Variants in CACNA1S observed in about 807,000 individuals in gnomAD.
CACNA1S encodes the protein voltage-dependent L-type calcium channel subunit alpha-1S.
A neutral mutation model predicts 207.4 loss-of-function variants in CACNA1S; 126 were observed. That is an observed-to-expected ratio of 0.61 (90% CI 0.53 to 0.70). The LOEUF (loss-of-function observed/expected upper bound fraction) is 0.70, where lower values mean the gene tolerates loss of function less well. CACNA1S is among the 30% of genes least tolerant of loss of function. CACNA1S has a pLI of 0.00. For synonymous variants in CACNA1S, 960 were observed against 932.7 expected, an observed-to-expected ratio of 1.03 and a Z score of -0.53; for missense variants, 2,349 against 2,422.8, an observed-to-expected ratio of 0.97 and a Z score of 0.64.
intron 38 of CACNA1S, among the ~76,000 whole-genome samples, chr1:201,044,993 C>A (rs1295990143): frequency 6.6e-6 from 1 of 152,198 alleles, no homozygotes; most frequent in Admixed American, 6.5e-5. Context: ...CATCTCTTGA[C>A]CCCATGGGTG....
chr1:201,059,730 T>C (rs555801780), intron 26 of CACNA1S, among the ~76,000 whole-genome samples: 1 of 152,330 alleles, frequency 6.6e-6, no homozygotes, highest in South Asian at 2.1e-4. Flanking sequence ...GTCCATGTTA[T>C]CACTGGCTAC....
In CACNA1S at chr1:201,061,976, G is replaced by C; in HGVS notation, c.3021C>G (p.Leu1007=). The C allele has an allele frequency of 6.2e-7, 1 of 1,614,234 alleles. No homozygotes were observed. Among genetic ancestry groups the C allele is most frequent in the Non-Finnish European group, 8.5e-7 (1 of 1,180,042 alleles). The change falls in exon 24 of 44, where the codon CTC becomes CTG. Residue 1007 remains leucine (L), a synonymous_variant. Coordinates refer to ENST00000362061, the MANE Select transcript of CACNA1S (RefSeq NM_000069.3). The part of the protein sequence containing the change: ...FDNVLSAMMS[L]FTVSTFEGWP... ...ATCCCTCGAAGGTGGAGACCGTGAA[G>C]AGGGACATCATGGCTGAGAGCACAT...
In CACNA1S at chr1:201,067,013, A is replaced by T. The variant is rs747353973; in HGVS notation, c.2551-20T>A. ...CGTCATCTGGGGAGAAAGAGGCAGC[A>T]GCCTGGATGGAGGAGCTTGGAGAAC... is the stretch of plus-strand genomic sequence containing the variant. On this transcript the variant is annotated intron_variant, in intron 19 of 43. Coordinates refer to ENST00000362061, the MANE Select transcript of CACNA1S (RefSeq NM_000069.3). The T allele has an allele frequency of 3.2e-6, 5 of 1,549,074 alleles. No homozygotes were observed. In the African/African-American group the frequency reaches 6.8e-5, roughly 21 times the overall value.
In CACNA1S at chr1:201,110,182, G is replaced by C. The variant is rs1663044259; in HGVS notation, c.240C>G (p.Asn80Lys). Residue 80 changes from asparagine (N) to lysine (K), a missense_variant, in exon 2 of 44, where the codon AAC becomes AAG. Coordinates refer to ENST00000362061, the MANE Select transcript of CACNA1S (RefSeq NM_000069.3). ...ATCTTACCAGGCCGAGGTTCAGAGA[G>C]TTGTTGTCATCTTCCGGCATGGGCA... Reference protein sequence around the residue: ...VYLPMPEDDNNSLNLGLEKLE... With the variant: ...VYLPMPEDDNKSLNLGLEKLE... The C allele has an allele frequency of 6.2e-7, 1 of 1,614,172 alleles. No homozygotes were observed. The highest frequency in any genetic ancestry group is 1.7e-5 in the Admixed American group (1 of 60,034).
chr1:201,051,122 C>A lies in CACNA1S; in HGVS notation c.3975G>T (p.Trp1325Cys). Reference protein sequence around the residue: ...LLFRCATGEAWQEILLACSYG... With the variant: ...LLFRCATGEACQEILLACSYG... ...AGCTGCAGGCCAGTAGGATCTCCTG[C>A]CAGGCCTCACCTGTTGCACACCTAG... The change falls in exon 33 of 44, where the codon TGG becomes TGT. Residue 1325 changes from tryptophan to cysteine, a missense_variant. Physicochemically the swap from Trp to Cys is radical, Grantham distance 215. Coordinates refer to ENST00000362061, the MANE Select transcript of CACNA1S (RefSeq NM_000069.3). 6.2e-7 allele frequency: 1 copy of A among 1,614,226 alleles called. No individual in the cohort carries two copies. Among genetic ancestry groups the A allele is most frequent in the Non-Finnish European group, 8.5e-7 (1 of 1,180,026 alleles).
Position 201,077,954 on chromosome 1 carries a change from T to C in CACNA1S, c.1544A>G (p.Glu515Gly), listed in dbSNP as rs750455540. ...CSGILEILLV[E>G]SGAMTPLGIS... ...GCCCAGGGGTGTCATGGCACCCGAC[T>C]CCACCAGCAGGATCTCCAGGATACC... The change falls in exon 11 of 44, where the codon GAG (glutamate) becomes GGG (glycine). Residue 515 changes from glutamate (E) to glycine (G), a missense_variant. Coordinates refer to ENST00000362061, the MANE Select transcript of CACNA1S (RefSeq NM_000069.3). 1 of 1,614,114 alleles carries C rather than the reference T, an allele frequency of 6.2e-7. No individual in the cohort carries two copies. The highest frequency in any genetic ancestry group is 1.1e-5 in the South Asian group (1 of 91,080).
chr1:201,089,620 C>T (rs1031393619), intron 5 of CACNA1S, among the ~76,000 whole-genome samples, 157 bp from the exon 6 acceptor site: 10 of 152,232 alleles, frequency 6.6e-5, no homozygotes, highest in East Asian at 1.9e-4. Context: ...CAGACGGTGA[C>T]AGTGAAGAGG....
At chr1:201,078,687 C>A (rs1248822529) in intron 10 of CACNA1S, among the ~76,000 whole-genome samples, 1 of 152,076 alleles carries the variant, frequency 6.6e-6, no homozygotes, top group Non-Finnish European at 1.5e-5. Context: ...AGAGAAGGGT[C>A]CTGCCACCTA....
In CACNA1S at chr1:201,061,297, C is replaced by T. The variant is rs1250627159; in HGVS notation, c.3225G>A (p.Glu1075=). Residue 1075 remains glutamate (E), a synonymous_variant, in exon 25 of 44, where the codon GAG becomes GAA. Transcript: ENST00000362061. The part of the protein sequence containing the change: ...IVTFQEQGET[E]YKNCELDKNQ... The stretch of plus-strand genomic sequence containing the variant: ...TCTTGTCCAGCTCACAGTTCTTGTA[C>T]TCAGTCTCTCCCTGCTCCTGGAAGG... The T allele has an allele frequency of 1.9e-6, 3 of 1,614,096 alleles. No homozygotes were observed. The highest frequency in any genetic ancestry group is 4.5e-5 in the East Asian group (2 of 44,898).
chr1:201,068,202 G>GACAAATC (rs1661315652), intron 19 of CACNA1S, among the ~76,000 whole-genome samples: 1 of 142,046 alleles, frequency 7.0e-6, no homozygotes, highest in East Asian at 2.2e-4. Context: ...GTCTAGGGAT[G>GACAAATC]ACAAATCACA....
chr1:201,074,646 T>G (rs746794820), intron 13 of CACNA1S, 26 bp from the exon 14 acceptor site: 17 of 1,493,924 alleles, frequency 1.1e-5, no homozygotes, highest in Non-Finnish European at 1.5e-5. Context: ...TAAGGAGCCT[T>G]TGGTTGTAGG....
intron 40 of CACNA1S, chr1:201,043,041 A>G: frequency 2.0e-6 from 1 of 506,524 alleles, no homozygotes. Flanking sequence ...CCGACGGAAT[A>G]AAAGAACCTC....
At chr1:201,068,655 A>G (rs970587933) in intron 19 of CACNA1S, among the ~76,000 whole-genome samples, 54 of 151,750 alleles carry the variant, frequency 3.6e-4, no homozygotes, top group Non-Finnish European at 6.8e-4. Flanking sequence ...GGCGGATCAC[A>G]AGGTCAGCAT....
intron 22 of CACNA1S, among the ~76,000 whole-genome samples, chr1:201,063,843 G>A (rs539924012): frequency 2.0e-5 from 3 of 152,212 alleles, no homozygotes; most frequent in Non-Finnish European, 4.4e-5. Context: ...AGTGGATAGA[G>A]CTGCCACTGG....
At position 201,068,830 on chromosome 1, in the gene CACNA1S, C is replaced by T. The variant is rs532323683; in HGVS notation, c.2550+307G>A. Among the ~76,000 whole-genome samples the T allele has an allele frequency of 1.8e-4, 28 of 152,128 alleles. 1 individual carries two copies. The South Asian group carries it at 4.8e-3, about 26-fold the overall frequency. ...GAGGTTGCAGTGAGCTGAGATAGTG[C>T]CATTGCACTCCAGCCTGGTGACAGA... On this transcript the variant is annotated intron_variant, in intron 19 of 43. Coordinates refer to ENST00000362061, the MANE Select transcript of CACNA1S (RefSeq NM_000069.3).
At chr1:201,047,039 A>C in intron 38 of CACNA1S, 76 bp downstream of exon 38, 1 of 1,588,058 alleles carries the variant, frequency 6.3e-7, no homozygotes, top group South Asian at 1.1e-5. Context: ...CCCCTCAAGG[A>C]CATGGAAGGA....
Position 201,049,046 on chromosome 1 carries a change from G to C in CACNA1S, c.4295C>G (p.Pro1432Arg). 1 of 1,613,894 alleles carries C rather than the reference G, an allele frequency of 6.2e-7. No homozygotes were observed. The highest frequency in any genetic ancestry group is 8.5e-7 in the Non-Finnish European group (1 of 1,179,924). Residue 1432 changes from proline to arginine, a missense_variant, in exon 35 of 44, where the codon CCT (proline) becomes CGT (arginine). Physicochemically the swap from Pro to Arg is moderately radical, Grantham distance 103. Transcript: ENST00000362061. ...TGGGCAGAACTTCCCAAAGCCCAGA[G>C]GGGGCTGAATCCTTCTCAGCAGGGT... Reference protein sequence around the residue: ...VVTLLRRIQPPLGFGKFCPHR... With the variant: ...VVTLLRRIQPRLGFGKFCPHR...
chr1:201,069,387 T>A, intron 18 of CACNA1S, 85 bp downstream of exon 18: 1 of 1,557,890 alleles, frequency 6.4e-7, no homozygotes, highest in Non-Finnish European at 8.8e-7. Context: ...TGTAGCCACA[T>A]AGAGGATACA....
chr1:201,051,002 G>A lies in CACNA1S; in HGVS notation c.4095C>T (p.Tyr1365=), dbSNP rs778596403. ...ATCTCACCAGGAAGGCACAGAGCAT[G>A]TAGAAGCTGATGAAGTAGTAGTATG... The part of the protein sequence containing the change: ...NFAYYYFISF[Y]MLCAFLVINL... Residue 1365 remains tyrosine (Y), a synonymous_variant, in exon 33 of 44, where the codon TAC becomes TAT. Transcript: ENST00000362061. The A allele has an allele frequency of 6.2e-7, 1 of 1,614,218 alleles. No individual in the cohort carries two copies.
Sources: allele counts gnomAD v4.1 joint callset (sites outside exome capture counted in the v4.1 genomes callset), GRCh38; gene constraint gnomAD v4.1.1; transcripts MANE v1.5; gene names NCBI Gene and HGNC (gene_info 2026-07-23, HGNC 2026-07-21).